Variants in PTPRN2 observed in about 807,000 individuals in gnomAD.
PTPRN2 encodes receptor-type tyrosine-protein phosphatase N2.
PTPRN2 carries 74 observed loss-of-function variants against 118.8 expected under a neutral mutation model. The observed-to-expected ratio is 0.62, with a 90% CI of 0.52 to 0.76. PTPRN2 has a LOEUF of 0.76. Among genes scored for constraint, PTPRN2 ranks in the 30% least tolerant of loss-of-function variants. PTPRN2 has a pLI of 0.00. For missense variants in PTPRN2, 1,481 were observed against 1,394.4 expected (o/e 1.06, Z -0.99); for synonymous variants, 641 against 608.0 (o/e 1.05, Z -0.80).
intron 12 of PTPRN2, among the ~76,000 whole-genome samples, chr7:157,767,787 C>G (rs73744877): frequency 0.013 from 1,938 of 152,356 alleles, 36 homozygotes; most frequent in African/African-American, 0.044. Context: ...CTGCCAGGCT[C>G]AGACCTGGAG....
chr7:157,908,121 G>T (rs564351454), intron 11 of PTPRN2, among the ~76,000 whole-genome samples: 17 of 152,210 alleles, frequency 1.1e-4, no homozygotes, highest in Admixed American at 5.2e-4. Context: ...GCGTCTCCGC[G>T]TGGCCAGGTG....
chr7:158,165,973 G>A (rs760272733), intron 6 of PTPRN2, among the ~76,000 whole-genome samples: 34 of 152,092 alleles, frequency 2.2e-4, no homozygotes, highest in Non-Finnish European at 3.5e-4. Context: ...GGAGGATGTG[G>A]CAAACCGCCA....
intron 6 of PTPRN2, among the ~76,000 whole-genome samples, chr7:158,146,805 C>A (rs185219742): frequency 1.3e-5 from 2 of 151,966 alleles, no homozygotes; most frequent in East Asian, 1.9e-4. Flanking sequence ...GTTCTCACAC[C>A]AGCACAGACA....
In PTPRN2 at chr7:158,071,105, G is replaced by A. The variant is rs915683701; in HGVS notation, c.1723+10193C>T. On this transcript the variant is annotated intron_variant, in intron 11 of 22. Coordinates refer to ENST00000389418, the MANE Select transcript of PTPRN2 (RefSeq NM_002847.5). ...GGTGCCCGTGGTGGTGGAGGTGCTC[G>A]TGGTGGTGGAGGTGCCCGTGGTGGT... 6.8e-4 allele frequency among the ~76,000 whole-genome samples: 34 copies of A among 49,896 alleles called. 1 individual carries two copies. Among genetic ancestry groups the A allele is most frequent in the African/African-American group, 1.0e-3 (9 of 8,710 alleles). The allele number at this position is 49,896 out of a possible 152,430, so 32.7% of individuals were successfully genotyped here.
At chr7:158,429,914 C>CT (rs1237388900) in intron 2 of PTPRN2, among the ~76,000 whole-genome samples, 2 of 151,992 alleles carry the variant, frequency 1.3e-5, no homozygotes, top group African/African-American at 2.4e-5. Context: ...CTTTTCTTTT[C>CT]TTTTTTCTTT....
chr7:157,990,382 G>C lies in PTPRN2; in HGVS notation c.1723+90916C>G, dbSNP rs951505968. On this transcript the variant is annotated intron_variant, in intron 11 of 22. Transcript: ENST00000389418. This position sits in a 1 kb window ranked among gnomAD's most constrained non-coding sequence, Gnocchi z 4.3. ...TGGGCACGGGCCAGGAATGCATCAC[G>C]GCACCTGCGCACAGGGGTGGCCTCC... Among the ~76,000 whole-genome samples, 1 of 152,160 alleles carries C rather than the reference G, an allele frequency of 6.6e-6. No homozygotes were observed. Among genetic ancestry groups the C allele is most frequent in the African/African-American group, 2.4e-5 (1 of 41,444 alleles).
intron 9 of PTPRN2, among the ~76,000 whole-genome samples, chr7:158,118,861 C>G (rs528622379): frequency 6.6e-6 from 1 of 152,094 alleles, no homozygotes; most frequent in African/African-American, 2.4e-5. Flanking sequence ...TGCCAGCATG[C>G]CTTGCTAACT....
At chr7:157,720,639 T>C (rs1400579286) in intron 12 of PTPRN2, among the ~76,000 whole-genome samples, 4 of 152,238 alleles carry the variant, frequency 2.6e-5, no homozygotes, top group Admixed American at 2.6e-4. Context: ...GAGCTACCTC[T>C]TCCCACACCA....
intron 6 of PTPRN2, among the ~76,000 whole-genome samples, chr7:158,163,111 G>T (rs919523686): frequency 6.6e-6 from 1 of 152,340 alleles, no homozygotes; most frequent in South Asian, 2.1e-4. Flanking sequence ...GGCAGAGCAG[G>T]GGGCTGTAGT....
rs543926582 is a variant in PTPRN2 at position 158,145,607 on chromosome 7, C to T, written c.911-7092G>A. On this transcript the variant is annotated intron_variant, in intron 6 of 22. Coordinates refer to ENST00000389418, the MANE Select transcript of PTPRN2 (RefSeq NM_002847.5). ...CGGCGGGAAAGCCAGAGCACCCTGG[C>T]CAGACGCGGCCAGGCTTGGCGTGGA... Among the ~76,000 whole-genome samples, 5 of 152,324 alleles carry T rather than the reference C, an allele frequency of 3.3e-5. No homozygotes were observed. In the South Asian group the frequency reaches 8.3e-4, roughly 25 times the overall value.
rs1231092825 is a variant in PTPRN2, at chr7:157,729,150, T to C, written c.1789-46213A>G. Among the ~76,000 whole-genome samples the C allele has an allele frequency of 6.6e-6, 1 of 152,186 alleles. No homozygotes were observed. Among genetic ancestry groups the C allele is most frequent in the African/African-American group, 2.4e-5 (1 of 41,446 alleles). ...TTTGATATACCCATCTCTGTTTTTT[T>C]TTTTGGACAGAATTCCTATTAAATA... On this transcript the variant is annotated intron_variant, in intron 12 of 22. Transcript: ENST00000389418. This position sits in a 1 kb window ranked among gnomAD's most constrained non-coding sequence, Gnocchi z 4.3.
At chr7:158,263,880 C>T (rs1465474738) in intron 3 of PTPRN2, among the ~76,000 whole-genome samples, 2 of 152,188 alleles carry the variant, frequency 1.3e-5, no homozygotes, top group Admixed American at 6.5e-5. Context: ...AGCAGCACCT[C>T]CCTAGCACAC....
chr7:158,195,230 A>ATGTT (rs999683796), intron 4 of PTPRN2, among the ~76,000 whole-genome samples: 3 of 152,044 alleles, frequency 2.0e-5, no homozygotes, highest in East Asian at 1.9e-4. Flanking sequence ...TTCTGGGTTG[A>ATGTT]TGTTTGTTTG....
intron 13 of PTPRN2, among the ~76,000 whole-genome samples, chr7:157,680,806 GT>G (rs1453132429): frequency 2.0e-5 from 3 of 152,112 alleles, no homozygotes; most frequent in Non-Finnish European, 2.9e-5. Context: ...AAGAAAAAAA[GT>G]TTTTTTTCCT....
intron 11 of PTPRN2, among the ~76,000 whole-genome samples, chr7:158,071,583 C>CTCCTGGTGGAGGTGCTCCTGG (rs1563392166): frequency 9.4e-5 from 1 of 10,648 alleles, no homozygotes; most frequent in African/African-American, 4.6e-4. Flanking sequence ...GGAGGTGCTC[C>CTCCTGGTGGAGGTGCTCCTGG]TGGTGGAGGT....
intron 11 of PTPRN2, among the ~76,000 whole-genome samples, chr7:158,040,984 G>T (rs1808424696): frequency 6.6e-6 from 1 of 152,216 alleles, no homozygotes; most frequent in Admixed American, 6.5e-5. Context: ...GCCCGCCTCG[G>T]CCTCCCAAAG....
chr7:157,891,165 G>A (rs1310316244), intron 12 of PTPRN2, among the ~76,000 whole-genome samples: 2 of 152,160 alleles, frequency 1.3e-5, no homozygotes, highest in African/African-American at 2.4e-5. Flanking sequence ...TGGCCATGTC[G>A]AGCCATCACA....
chr7:158,168,894 C>T (rs189308973), intron 5 of PTPRN2, among the ~76,000 whole-genome samples: 109 of 152,300 alleles, frequency 7.2e-4, no homozygotes, highest in Non-Finnish European at 2.2e-4. Flanking sequence ...ATCAAAATGT[C>T]ATGGACAGGC....
chr7:157,997,026 G>A (rs533466797), intron 11 of PTPRN2, among the ~76,000 whole-genome samples: 13 of 152,354 alleles, frequency 8.5e-5, no homozygotes, highest in African/African-American at 2.9e-4. Flanking sequence ...GGCATGAGGA[G>A]CAGTCCCACA....
Sources: allele counts gnomAD v4.1 joint callset (sites outside exome capture counted in the v4.1 genomes callset), GRCh38; gene constraint gnomAD v4.1.1; non-coding constraint Gnocchi (gnomAD v3.1); transcripts MANE v1.5; gene names NCBI Gene and HGNC (gene_info 2026-07-23, HGNC 2026-07-21).